Variants in TMEM163 observed in about 807,000 individuals in gnomAD.
The protein encoded by TMEM163 is transmembrane protein 163.
Under a neutral mutation model 29.3 loss-of-function variants are expected in TMEM163, and 17 were observed. The ratio of observed to expected loss-of-function variants is 0.58; its 90% confidence interval spans 0.40 to 0.87. The LOEUF is 0.87. TMEM163 is among the 40% of genes least tolerant of loss of function. The probability of loss-of-function intolerance (pLI) is 0.00; values close to 1 mark genes in which losing one functional copy is unlikely to be tolerated. For missense variants in TMEM163, 303 were observed against 381.5 expected (o/e 0.79, Z 1.71); for synonymous variants, 157 against 160.6 (o/e 0.98, Z 0.17).
At chr2:134,544,672 G>A (rs1680742179) in intron 4 of TMEM163, among the ~76,000 whole-genome samples, 2 of 152,164 alleles carry the variant, frequency 1.3e-5, no homozygotes, top group African/African-American at 4.8e-5. Context: ...GCACATGCCT[G>A]TAATCCCAGC....
intron 2 of TMEM163, among the ~76,000 whole-genome samples, chr2:134,559,157 C>CCCAGTG (rs1681112716): frequency 6.6e-6 from 1 of 152,176 alleles, no homozygotes; most frequent in Non-Finnish European, 1.5e-5. Context: ...GCCAATGCTA[C>CCCAGTG]GTTCAGATGA....
intron 5 of TMEM163, among the ~76,000 whole-genome samples, chr2:134,475,012 A>G (rs1237230356): frequency 1.3e-5 from 2 of 152,178 alleles, no homozygotes; most frequent in Non-Finnish European, 2.9e-5. Context: ...TGTGTAAATG[A>G]AAGGGCTTAC....
chr2:134,479,406 A>G (rs919705601), intron 5 of TMEM163, among the ~76,000 whole-genome samples: 25 of 152,332 alleles, frequency 1.6e-4, no homozygotes, highest in East Asian at 9.6e-4. Flanking sequence ...GTGAAAAACA[A>G]CACCTTTACC....
At chr2:134,492,552 T>C (rs1461433682) in intron 5 of TMEM163, among the ~76,000 whole-genome samples, 2 of 152,216 alleles carry the variant, frequency 1.3e-5, no homozygotes, top group African/African-American at 4.8e-5. Flanking sequence ...GTCTGCTTTC[T>C]CTCACTATAG....
intron 2 of TMEM163, among the ~76,000 whole-genome samples, chr2:134,657,420 A>G (rs1282238397): frequency 1.3e-5 from 2 of 152,238 alleles, no homozygotes; most frequent in African/African-American, 4.8e-5. Context: ...CCATTATTCT[A>G]AATAAAGTAA....
chr2:134,516,387 C>T (rs1191670521), intron 4 of TMEM163, among the ~76,000 whole-genome samples: 3 of 151,758 alleles, frequency 2.0e-5, no homozygotes, highest in Non-Finnish European at 4.4e-5. Flanking sequence ...ATGGTGAAAC[C>T]CCATCTCTAC....
chr2:134,651,382 G>C (rs1268650189), intron 2 of TMEM163, among the ~76,000 whole-genome samples: 2 of 138,316 alleles, frequency 1.4e-5, no homozygotes, highest in African/African-American at 3.1e-5. Context: ...CCCACTTTTT[G>C]ATGGGGTTGT....
chr2:134,460,711 A>T lies in TMEM163; in HGVS notation c.668-2538T>A, dbSNP rs1050232396. On this transcript the variant is annotated intron_variant, in intron 6 of 7. Coordinates refer to ENST00000281924, the MANE Select transcript of TMEM163 (RefSeq NM_030923.5). The surrounding 1 kb of genome is among the most constrained non-coding windows in gnomAD (Gnocchi z 4.3). ...GTGAGGTTCCCCAGACAGCCACTAG[A>T]TGTCTGCTCAGCTCCACCAAGTCAC... is the stretch of plus-strand genomic sequence containing the variant. Among the ~76,000 whole-genome samples the T allele has an allele frequency of 6.6e-6, 1 of 152,072 alleles. No homozygotes were observed. Among genetic ancestry groups the T allele is most frequent in the African/African-American group, 2.4e-5 (1 of 41,402 alleles).
intron 4 of TMEM163, among the ~76,000 whole-genome samples, chr2:134,532,025 T>C (rs753314097): frequency 6.6e-6 from 1 of 152,226 alleles, no homozygotes; most frequent in Non-Finnish European, 1.5e-5. Flanking sequence ...GGAGTTGTTA[T>C]GCCAGGAAAC....
intron 2 of TMEM163, among the ~76,000 whole-genome samples, chr2:134,610,491 C>T (rs1021764169): frequency 6.6e-6 from 1 of 152,168 alleles, no homozygotes; most frequent in Admixed American, 6.5e-5. Context: ...CATACAGTCC[C>T]GGTGGATTCC....
intron 2 of TMEM163, among the ~76,000 whole-genome samples, chr2:134,600,506 T>C (rs1351883341): frequency 6.6e-6 from 1 of 152,214 alleles, no homozygotes; most frequent in East Asian, 1.9e-4. Context: ...ACTTAGCTAA[T>C]AGCCTGATTC....
chr2:134,516,002 C>T (rs566366852), intron 4 of TMEM163, among the ~76,000 whole-genome samples: 6 of 152,246 alleles, frequency 3.9e-5, no homozygotes, highest in East Asian at 1.9e-4. Flanking sequence ...TTCATGAGCA[C>T]GTACTACGTG....
At chr2:134,511,646 A>T (rs1679952276) in intron 4 of TMEM163, among the ~76,000 whole-genome samples, 2 of 152,208 alleles carry the variant, frequency 1.3e-5, no homozygotes, top group Admixed American at 1.3e-4. Context: ...TCCAAGGCAG[A>T]CTGGCCGGAA....
Position 134,477,321 on chromosome 2 carries a change from A to C in TMEM163, c.556-11096T>G, listed in dbSNP as rs530380179. The stretch of plus-strand genomic sequence containing the variant: ...TAGAGAGATAGACACATAAGCCACT[A>C]ACTGTACCATAGTGCGATCTGTTTG... On this transcript the variant is annotated intron_variant, in intron 5 of 7. Transcript: ENST00000281924. Among the ~76,000 whole-genome samples, 3 of 152,338 alleles carry C rather than the reference A, an allele frequency of 2.0e-5. No homozygotes were observed. The East Asian group carries it at 5.8e-4, about 29-fold the overall frequency.
At chr2:134,713,350 A>T in intron 1 of TMEM163, 31 bp from the exon 2 acceptor site, 1 of 1,611,576 alleles carries the variant, frequency 6.2e-7, no homozygotes, top group Middle Eastern at 1.7e-4. Context: ...GGGAAGTTAG[A>T]CATTTCCTTA....
In TMEM163 at chr2:134,519,504, G is replaced by A. The variant is rs573798383; in HGVS notation, c.459-16507C>T. Among the ~76,000 whole-genome samples, 263 of 152,194 alleles carry A rather than the reference G, an allele frequency of 1.7e-3. 1 individual carries two copies. Among genetic ancestry groups the A allele is most frequent in the Middle Eastern group, 6.8e-3 (2 of 294 alleles). ...AGGCGGGCAGATCATGAGGTCAGGA[G>A]ATCGAGACCATCCTGGCTAACACAG... On this transcript the variant is annotated intron_variant, in intron 4 of 7. Transcript: ENST00000281924.
chr2:134,601,556 T>C (rs914759152), intron 2 of TMEM163, among the ~76,000 whole-genome samples: 5 of 152,242 alleles, frequency 3.3e-5, no homozygotes, highest in African/African-American at 1.2e-4. Context: ...TCGGCAGGGC[T>C]GGACCACAGC....
chr2:134,647,001 C>A (rs982490933), intron 2 of TMEM163, among the ~76,000 whole-genome samples: 3 of 152,228 alleles, frequency 2.0e-5, no homozygotes, highest in African/African-American at 7.2e-5. Context: ...ACTGTCAACA[C>A]TGACAAAGGG....
intron 4 of TMEM163, among the ~76,000 whole-genome samples, chr2:134,538,214 G>T (rs1200613076): frequency 6.6e-6 from 1 of 152,172 alleles, no homozygotes. Flanking sequence ...TCATGAATGG[G>T]ATTAGTGTCC....
Sources: allele counts gnomAD v4.1 joint callset (sites outside exome capture counted in the v4.1 genomes callset), GRCh38; gene constraint gnomAD v4.1.1; non-coding constraint Gnocchi (gnomAD v3.1); transcripts MANE v1.5; gene names NCBI Gene and HGNC (gene_info 2026-07-23, HGNC 2026-07-21).